Variants in CNTNAP2 observed in about 807,000 individuals in gnomAD.
CNTNAP2 encodes contactin associated protein 2.
CNTNAP2 carries 98 observed loss-of-function variants against 155.2 expected under a neutral mutation model. That is an observed-to-expected ratio of 0.63 (90% confidence interval 0.54 to 0.75). CNTNAP2 has a LOEUF of 0.75. CNTNAP2 is among the 30% of genes least tolerant of loss of function. CNTNAP2 has a pLI of 0.00. For missense variants in CNTNAP2, 1,727 were observed against 1,688.1 expected (o/e 1.02, Z -0.40); for synonymous variants, 651 against 631.2 (o/e 1.03, Z -0.47).
intron 21 of CNTNAP2, among the ~76,000 whole-genome samples, chr7:148,336,383 C>A: frequency 6.6e-6 from 1 of 151,572 alleles, no homozygotes; most frequent in African/African-American, 2.4e-5. Flanking sequence ...AAATATATAG[C>A]AGTTGATATG....
At chr7:147,900,526 T>C (rs556681281) in intron 13 of CNTNAP2, among the ~76,000 whole-genome samples, 27 of 152,350 alleles carry the variant, frequency 1.8e-4, no homozygotes, top group African/African-American at 6.3e-4. Flanking sequence ...TCAAACCTCT[T>C]TTCTTTATAA....
intron 1 of CNTNAP2, among the ~76,000 whole-genome samples, chr7:146,645,646 A>G (rs1799798760): frequency 6.6e-6 from 1 of 152,152 alleles, no homozygotes; most frequent in Admixed American, 6.6e-5. Context: ...TGACTGAGAT[A>G]TATTTATTCA....
intron 1 of CNTNAP2, among the ~76,000 whole-genome samples, chr7:146,516,937 A>G (rs1225001863): frequency 6.6e-6 from 1 of 152,162 alleles, no homozygotes; most frequent in East Asian, 1.9e-4. Context: ...AAATTGATAC[A>G]TATTACAGTA....
chr7:146,391,607 C>A (rs1795544856), intron 1 of CNTNAP2, among the ~76,000 whole-genome samples: 1 of 152,202 alleles, frequency 6.6e-6, no homozygotes, highest in African/African-American at 2.4e-5. Flanking sequence ...TAAGCTAATT[C>A]TAATTTCTAG....
At chr7:147,881,231 T>C (rs1348787612) in intron 13 of CNTNAP2, among the ~76,000 whole-genome samples, 2 of 152,124 alleles carry the variant, frequency 1.3e-5, no homozygotes, top group African/African-American at 4.8e-5. Flanking sequence ...GTGAAACCAT[T>C]GGAATTGAGT....
intron 17 of CNTNAP2, among the ~76,000 whole-genome samples, chr7:148,157,972 C>A (rs1805436516): frequency 6.6e-6 from 1 of 152,126 alleles, no homozygotes; most frequent in Admixed American, 6.5e-5. Flanking sequence ...ACAAGGGTTA[C>A]CAGCCCTCTA....
chr7:148,146,188 A>C (rs1805173203), intron 16 of CNTNAP2, among the ~76,000 whole-genome samples: 6 of 152,238 alleles, frequency 3.9e-5, no homozygotes, highest in Admixed American at 3.9e-4. Context: ...CAGATATTTA[A>C]TTAAACTGCT....
At chr7:147,750,894 G>T (rs1278842271) in intron 13 of CNTNAP2, among the ~76,000 whole-genome samples, 1 of 152,106 alleles carries the variant, frequency 6.6e-6, no homozygotes, top group South Asian at 2.1e-4. Context: ...AAAACATTTG[G>T]CTGGGCATGG....
intron 4 of CNTNAP2, among the ~76,000 whole-genome samples, chr7:147,101,951 T>C (rs965439703): frequency 6.6e-6 from 1 of 152,172 alleles, no homozygotes; most frequent in Non-Finnish European, 1.5e-5. Flanking sequence ...GTTTGCGGGC[T>C]TGAGGGCGGA....
At chr7:146,331,653 CA>C (rs901032849) in intron 1 of CNTNAP2, among the ~76,000 whole-genome samples, 3 of 150,390 alleles carry the variant, frequency 2.0e-5, no homozygotes, top group Non-Finnish European at 4.4e-5. Context: ...CAAGGAAACT[CA>C]AAAAAAAACT....
At chr7:147,702,017 TAGTTCTTAACCAGG>T (rs1796241757) in intron 13 of CNTNAP2, among the ~76,000 whole-genome samples, 2 of 151,536 alleles carry the variant, frequency 1.3e-5, no homozygotes, top group Non-Finnish European at 2.9e-5. Context: ...AGTAGAACAG[TAGTTCTTAACCAGG>T]AGACCATCAA....
chr7:147,059,497 C>G (rs1356227061), intron 4 of CNTNAP2, among the ~76,000 whole-genome samples: 3 of 147,934 alleles, frequency 2.0e-5, no homozygotes, highest in Non-Finnish European at 4.5e-5. Flanking sequence ...TCCAATTGTA[C>G]AATGGGTTCA....
chr7:147,652,804 C>T (rs1455006542), intron 13 of CNTNAP2, among the ~76,000 whole-genome samples: 1 of 152,028 alleles, frequency 6.6e-6, no homozygotes, highest in East Asian at 1.9e-4. Flanking sequence ...ATAAGTTAAT[C>T]AGTTGGGGAA....
intron 1 of CNTNAP2, among the ~76,000 whole-genome samples, chr7:146,371,691 G>A (rs1795239104): frequency 6.6e-6 from 1 of 151,792 alleles, no homozygotes; most frequent in Non-Finnish European, 1.5e-5. Context: ...GTGGCTCATG[G>A]CTGTAATCGC....
At chr7:147,195,135 A>G (rs1189538227) in intron 8 of CNTNAP2, among the ~76,000 whole-genome samples, 1 of 152,314 alleles carries the variant, frequency 6.6e-6, no homozygotes, top group African/African-American at 2.4e-5. Context: ...GGTTTTCTGC[A>G]TACAGCTAGC....
intron 1 of CNTNAP2, among the ~76,000 whole-genome samples, chr7:146,436,580 A>C (rs973724356): frequency 6.6e-6 from 1 of 152,244 alleles, no homozygotes; most frequent in Non-Finnish European, 1.5e-5. Context: ...AACATAAAGC[A>C]AAATGATAAA....
At chr7:147,490,380 A>G (rs576580847) in intron 11 of CNTNAP2, among the ~76,000 whole-genome samples, 5 of 152,306 alleles carry the variant, frequency 3.3e-5, no homozygotes, top group East Asian at 1.9e-4. Flanking sequence ...CGTATGCTGG[A>G]GCATTTCCTC....
At chr7:146,801,398 C>G (rs975776497) in intron 2 of CNTNAP2, among the ~76,000 whole-genome samples, 1 of 152,116 alleles carries the variant, frequency 6.6e-6, no homozygotes, top group African/African-American at 2.4e-5. Context: ...CAAACCATAT[C>G]ATTGACCAAA....
At chr7:148,320,059 A>T (rs1797762750) in intron 21 of CNTNAP2, among the ~76,000 whole-genome samples, 1 of 152,072 alleles carries the variant, frequency 6.6e-6, no homozygotes, top group Non-Finnish European at 1.5e-5. Flanking sequence ...TTTCCTTTTC[A>T]TATGGAGAAG....
Sources: gnomAD v4.1 joint callset for allele counts (sites outside exome capture counted in the v4.1 genomes callset) on GRCh38, gnomAD v4.1.1 for gene constraint, MANE v1.5 for transcripts, NCBI Gene and HGNC (gene_info 2026-07-23, HGNC 2026-07-21) for gene names.